The following FMN2 variants were observed in gnomAD, a reference collection of about 807,000 sequenced individuals.
The protein encoded by FMN2 is formin 2, also known as formin-2.
In FMN2, 51 loss-of-function variants were observed where a neutral mutation model predicts 142.3. That is an observed-to-expected ratio of 0.36 (90% CI 0.29 to 0.45). The LOEUF is 0.45. FMN2 is among the 20% of genes least tolerant of loss of function. FMN2 has a pLI of 1.00. For missense variants in FMN2, 1,936 were observed against 2,122.8 expected (o/e 0.91, Z 1.73); for synonymous variants, 882 against 869.8 (o/e 1.01, Z -0.25).
intron 7 of FMN2, among the ~76,000 whole-genome samples, chr1:240,275,658 A>G (rs1669179620): frequency 6.6e-6 from 1 of 152,134 alleles, no homozygotes; most frequent in African/African-American, 2.4e-5. Context: ...GTCCTTGAGA[A>G]ATTGCCACAC....
intron 13 of FMN2, among the ~76,000 whole-genome samples, chr1:240,354,861 T>C (rs557781413): frequency 1.3e-5 from 2 of 152,196 alleles, no homozygotes; most frequent in East Asian, 1.9e-4. Flanking sequence ...TTGTTGTCGT[T>C]GTTGTTTTTT....
At chr1:240,257,800 A>T (rs1029007397) in intron 6 of FMN2, 145 bp from the exon 7 acceptor site, 52 of 650,316 alleles carry the variant, frequency 8.0e-5, no homozygotes, top group African/African-American at 1.3e-4. Flanking sequence ...TTCAAACATT[A>T]AAAAAAACAC....
rs188374466 is a variant in FMN2, at chr1:240,408,974, C to G, written c.4910+16412C>G. ...CTCGTGCAGCTTAGCCTTCCTTTTC[C>G]CCTTTCACATCCCATATGCTCCTGG... On this transcript the variant is annotated intron_variant, in intron 15 of 17. Coordinates refer to ENST00000319653, the MANE Select transcript of FMN2 (RefSeq NM_020066.5). 1.9e-3 allele frequency among the ~76,000 whole-genome samples: 290 copies of G among 152,158 alleles called. 1 individual carries two copies. Among genetic ancestry groups the G allele is most frequent in the African/African-American group, 6.7e-3 (277 of 41,522 alleles).
chr1:240,150,101 A>C (rs1663700288), intron 2 of FMN2, among the ~76,000 whole-genome samples: 1 of 150,592 alleles, frequency 6.6e-6, no homozygotes, highest in Non-Finnish European at 1.5e-5. Context: ...GATAAAACAG[A>C]TTTTTAATTA....
At chr1:240,275,668 C>T (rs1669180302) in intron 7 of FMN2, among the ~76,000 whole-genome samples, 1 of 152,134 alleles carries the variant, frequency 6.6e-6, no homozygotes, top group Non-Finnish European at 1.5e-5. Context: ...AATTGCCACA[C>T]TGTCCTCCAC....
intron 2 of FMN2, among the ~76,000 whole-genome samples, chr1:240,132,882 G>C (rs868782193): frequency 7.2e-5 from 11 of 152,068 alleles, no homozygotes; most frequent in Middle Eastern, 3.2e-3. Flanking sequence ...TCTTGGGTTT[G>C]CCTGTTACTG....
chr1:240,423,912 T>G (rs1674852625), intron 15 of FMN2, among the ~76,000 whole-genome samples: 1 of 152,110 alleles, frequency 6.6e-6, no homozygotes, highest in South Asian at 2.1e-4. Flanking sequence ...GAGAGGAAAT[T>G]AATAAATGAT....
chr1:240,438,064 T>G lies in FMN2; in HGVS notation c.4914T>G (p.Phe1638Leu), dbSNP rs1388515545. Residue 1638 changes from phenylalanine to leucine, a missense_variant, in exon 16 of 18, where the codon TTT becomes TTG. Phe to Leu is a conservative substitution (Grantham distance 22). Around this residue, in one of 8 missense-constraint regions of FMN2, gnomAD observed 322 missense variants for 401.6 expected, o/e 0.80. Coordinates refer to ENST00000319653, the MANE Select transcript of FMN2 (RefSeq NM_020066.5). ...TTGTGTGTGTATGATTTGACAGCTT[T>G]TTGGAGACCACGGCATATTTCTTCA... ...ENSLTETHKC[F>L]LETTAYFFMK... 2.5e-6 allele frequency: 4 copies of G among 1,612,356 alleles called. No individual in the cohort carries two copies. Among genetic ancestry groups the G allele is most frequent in the Non-Finnish European group, 3.4e-6 (4 of 1,179,630 alleles).
intron 6 of FMN2, among the ~76,000 whole-genome samples, chr1:240,229,406 T>C (rs1333528651): frequency 6.6e-6 from 1 of 152,190 alleles, no homozygotes; most frequent in Non-Finnish European, 1.5e-5. Flanking sequence ...TGATCTTCTC[T>C]TGGTAATCAA....
rs563325485 is a variant in FMN2, at chr1:240,399,454, C to CT, written c.4910+6893dup. 1.4e-4 allele frequency among the ~76,000 whole-genome samples: 22 copies of CT among 152,250 alleles called. No homozygotes were observed. In the South Asian group the frequency reaches 3.7e-3, roughly 26 times the overall value. On this transcript the variant is annotated intron_variant, in intron 15 of 17. Coordinates refer to ENST00000319653, the MANE Select transcript of FMN2 (RefSeq NM_020066.5). ...AAATCATGGTAAGAACAGTGAGAGT[C>CT]TAAGGCATTCGAATCACTCCCTGTT...
At chr1:240,270,234 C>G (rs1341813731) in intron 7 of FMN2, among the ~76,000 whole-genome samples, 1 of 152,008 alleles carries the variant, frequency 6.6e-6, no homozygotes, top group Non-Finnish European at 1.5e-5. Context: ...GAGTTTTTAT[C>G]ATGAAACGAG....
At chr1:240,420,900 T>C (rs542287068) in intron 15 of FMN2, among the ~76,000 whole-genome samples, 1 of 152,258 alleles carries the variant, frequency 6.6e-6, no homozygotes, top group African/African-American at 2.4e-5. Flanking sequence ...TGGATTTATT[T>C]GGAAAAACAG....
At chr1:240,427,451 C>T (rs12096863) in intron 15 of FMN2, among the ~76,000 whole-genome samples, 10,211 of 152,026 alleles carry the variant, frequency 0.067, 1,131 homozygotes, top group African/African-American at 0.23. Flanking sequence ...GTGATCTGCC[C>T]GCCTCGGCCT....
chr1:240,444,327 C>G lies in FMN2; in HGVS notation c.5060+6117C>G, dbSNP rs78985095. ...GAATTCTGCCCAGAGGACTTTTGACCTAGAACGTGGAGCAAGTGTAGGATT... is the reference window on the plus strand; with the variant it reads ...GAATTCTGCCCAGAGGACTTTTGACGTAGAACGTGGAGCAAGTGTAGGATT... On this transcript the variant is annotated intron_variant, in intron 16 of 17. Transcript: ENST00000319653. 8.7e-3 allele frequency among the ~76,000 whole-genome samples: 1,326 copies of G among 152,274 alleles called. 8 individuals are homozygous for G. Among genetic ancestry groups the G allele is most frequent in the Non-Finnish European group, 0.015 (1,002 of 68,024 alleles).
intron 5 of FMN2, 79 bp downstream of exon 5, chr1:240,208,811 A>G (rs1020861586): frequency 3.4e-6 from 5 of 1,490,474 alleles, no homozygotes; most frequent in African/African-American, 1.4e-5. Context: ...CGGGAAAATT[A>G]CTGTTGAATG....
chr1:240,403,506 C>A (rs1180664922), intron 15 of FMN2, among the ~76,000 whole-genome samples: 3 of 152,000 alleles, frequency 2.0e-5, no homozygotes, highest in Non-Finnish European at 4.4e-5. Flanking sequence ...TGGTGACAGG[C>A]GCCTGTAATC....
intron 15 of FMN2, among the ~76,000 whole-genome samples, chr1:240,413,120 C>CAAAAAAAAAAAAAAAAAA: frequency 4.1e-5 from 1 of 24,566 alleles, no homozygotes; most frequent in Non-Finnish European, 7.8e-5. Context: ...GAGACTCTGT[C>CAAAAAAAAAAAAAAAAAA]AAAAAAAAAA....
chr1:240,148,026 A>C (rs187458716), intron 2 of FMN2, among the ~76,000 whole-genome samples: 10 of 152,300 alleles, frequency 6.6e-5, no homozygotes, highest in African/African-American at 2.4e-4. Context: ...TTGAATTCTC[A>C]AGAGTTACAG....
intron 4 of FMN2, among the ~76,000 whole-genome samples, chr1:240,195,394 G>A (rs544471229): frequency 2.7e-4 from 41 of 152,274 alleles, no homozygotes; most frequent in African/African-American, 7.7e-4. Flanking sequence ...TAGAGCTGCC[G>A]TGTTGTCTAA....
Sources: gnomAD v4.1 joint callset for allele counts (sites outside exome capture counted in the v4.1 genomes callset) on GRCh38, gnomAD v4.1.1 for gene constraint, gnomAD v4.1.1 regional missense constraint, MANE v1.5 for transcripts, NCBI Gene and HGNC (gene_info 2026-07-23, HGNC 2026-07-21) for gene names.